PCBD2: variants seen among roughly 807,000 people sequenced by gnomAD.
PCBD2 encodes pterin-4-alpha-carbinolamine dehydratase 2.
Under a neutral mutation model 16.4 loss-of-function variants are expected in PCBD2, and 12 were observed. The ratio of observed to expected loss-of-function variants is 0.73; its 90% CI spans 0.47 to 1.19. The LOEUF is 1.19. Among genes scored for constraint, PCBD2 ranks in the 50% most tolerant of loss-of-function variants. The pLI is 0.00. For missense variants in PCBD2, 138 were observed against 156.8 expected, an observed-to-expected ratio of 0.88 and a Z score of 0.64; for synonymous variants, 58 against 61.8, an observed-to-expected ratio of 0.94 and a Z score of 0.29.
At chr5:134,922,772 C>T (rs1393022269) in intron 2 of PCBD2, among the ~76,000 whole-genome samples, 1 of 151,888 alleles carries the variant, frequency 6.6e-6, no homozygotes, top group East Asian at 1.9e-4. Flanking sequence ...ACGCTATTCT[C>T]CTGCCTCAGC....
chr5:134,938,025 A>C (rs1327858009), intron 2 of PCBD2, among the ~76,000 whole-genome samples: 1 of 152,174 alleles, frequency 6.6e-6, no homozygotes, highest in Non-Finnish European at 1.5e-5. Context: ...GGGAATTTGA[A>C]TGGAATTGCT....
In PCBD2 at chr5:134,959,129, AC is replaced by A. The variant is rs763537712; in HGVS notation, c.297+10del. 4 of 1,597,540 alleles carry A rather than the reference AC, an allele frequency of 2.5e-6. No individual in the cohort carries two copies. In the African/African-American group the frequency reaches 5.4e-5, roughly 21 times the overall value. On this transcript the variant is annotated intron_variant, in intron 3 of 3. Transcript: ENST00000254908. ...TCAATGTATACAACAAGGTAACTAA[AC>A]TGCCTTATTTGGGAATCACCTTAAT...
chr5:134,955,112 A>C (rs547996233), intron 2 of PCBD2, among the ~76,000 whole-genome samples: 123 of 151,750 alleles, frequency 8.1e-4, no homozygotes, highest in Admixed American at 1.6e-3. Flanking sequence ...TAATCTTCCG[A>C]GTTTAACTTT....
At chr5:134,948,034 C>G (rs1010605061) in intron 2 of PCBD2, among the ~76,000 whole-genome samples, 7 of 152,126 alleles carry the variant, frequency 4.6e-5, no homozygotes, top group African/African-American at 1.4e-4. Flanking sequence ...TGCAAAGCAT[C>G]ACAAGTTATT....
intron 2 of PCBD2, chr5:134,927,175 A>G (rs1751017622): frequency 2.5e-6 from 1 of 398,446 alleles, no homozygotes; most frequent in East Asian, 3.6e-5. Flanking sequence ...ATTGAAGAGT[A>G]TGCAATGAGC....
At chr5:134,923,580 C>A (rs1241529054) in intron 2 of PCBD2, 3 of 333,216 alleles carry the variant, frequency 9.0e-6, no homozygotes, top group South Asian at 1.5e-4. Flanking sequence ...CAGATCTGTT[C>A]CGATGTATGG....
At chr5:134,916,971 A>G (rs960991926) in intron 2 of PCBD2, among the ~76,000 whole-genome samples, 1 of 152,228 alleles carries the variant, frequency 6.6e-6, no homozygotes, top group Non-Finnish European at 1.5e-5. Context: ...TGGCATTTGT[A>G]AAGGAACTTT....
chr5:134,935,325 C>T (rs1751145958), intron 2 of PCBD2, among the ~76,000 whole-genome samples: 1 of 152,230 alleles, frequency 6.6e-6, no homozygotes, highest in Non-Finnish European at 1.5e-5. Context: ...GGTTTGAAGA[C>T]ATCTTAGAAA....
chr5:134,959,439 A>G (rs767289580), intron 3 of PCBD2, among the ~76,000 whole-genome samples: 1 of 152,244 alleles, frequency 6.6e-6, no homozygotes, highest in Non-Finnish European at 1.5e-5. Context: ...TATTGAAAGA[A>G]ATGGTAGCAA....
intron 2 of PCBD2, among the ~76,000 whole-genome samples, chr5:134,951,738 G>A (rs1250740161): frequency 6.6e-6 from 1 of 152,160 alleles, no homozygotes; most frequent in Non-Finnish European, 1.5e-5. Context: ...CCATGATTGA[G>A]ATTGAGCAGT....
At chr5:134,946,753 T>C (rs1751300213) in intron 2 of PCBD2, among the ~76,000 whole-genome samples, 1 of 152,166 alleles carries the variant, frequency 6.6e-6, no homozygotes, top group African/African-American at 2.4e-5. Context: ...AAAATATTTT[T>C]TGAGTCGCTG....
At chr5:134,943,128 T>A (rs1196977450) in intron 2 of PCBD2, among the ~76,000 whole-genome samples, 1 of 152,106 alleles carries the variant, frequency 6.6e-6, no homozygotes, top group East Asian at 1.9e-4. Context: ...GGTACATGGA[T>A]TAATAAAAAT....
chr5:134,920,695 G>A (rs62380028), intron 2 of PCBD2, among the ~76,000 whole-genome samples: 19,900 of 150,810 alleles, frequency 0.13, 1,776 homozygotes, highest in Middle Eastern at 0.19. Flanking sequence ...TCGCTCTGTC[G>A]GCTAGGCTGG....
At chr5:134,952,406 G>A (rs866555999) in intron 2 of PCBD2, among the ~76,000 whole-genome samples, 3 of 152,082 alleles carry the variant, frequency 2.0e-5, no homozygotes, top group Non-Finnish European at 4.4e-5. Flanking sequence ...TTTGATGAGC[G>A]CTTTAAAAGT....
intron 2 of PCBD2, among the ~76,000 whole-genome samples, chr5:134,942,024 G>C (rs529303843): frequency 3.6e-4 from 49 of 135,354 alleles, no homozygotes; most frequent in Non-Finnish European, 6.2e-4. Context: ...CAGCTACTTG[G>C]GGGGGCTGAG....
intron 1 of PCBD2, among the ~76,000 whole-genome samples, chr5:134,906,801 A>T (rs1193570855): frequency 1.3e-5 from 2 of 152,238 alleles, no homozygotes; most frequent in Non-Finnish European, 2.9e-5. Flanking sequence ...GAATTCAGAA[A>T]AGCGGAGTTT....
chr5:134,925,567 A>G, intron 2 of PCBD2: 1 of 398,102 alleles, frequency 2.5e-6, no homozygotes. Flanking sequence ...GATTTTTTTG[A>G]TGTCATTTTG....
At chr5:134,939,118 T>C (rs1751194619) in intron 2 of PCBD2, among the ~76,000 whole-genome samples, 1 of 152,158 alleles carries the variant, frequency 6.6e-6, no homozygotes, top group Non-Finnish European at 1.5e-5. Flanking sequence ...ATACTTACTA[T>C]TTAAAGGAAA....
At chr5:134,942,197 A>G (rs1167499783) in intron 2 of PCBD2, among the ~76,000 whole-genome samples, 1 of 133,892 alleles carries the variant, frequency 7.5e-6, no homozygotes, top group East Asian at 2.2e-4. Context: ...TAAGTAAAAG[A>G]AAAAAAAAAT....
Sources: gnomAD v4.1 joint callset for allele counts (sites outside exome capture counted in the v4.1 genomes callset) on GRCh38, gnomAD v4.1.1 for gene constraint, MANE v1.5 for transcripts, NCBI Gene and HGNC (gene_info 2026-07-23, HGNC 2026-07-21) for gene names.